HMGB2: variants seen among roughly 807,000 people sequenced by gnomAD.
HMGB2 encodes the protein high mobility group protein B2.
In HMGB2, 2 loss-of-function variants were observed where a neutral mutation model predicts 23.0. That is an observed-to-expected ratio of 0.09 (90% confidence interval 0.04 to 0.27). The LOEUF (loss-of-function observed/expected upper bound fraction) is 0.27, where lower values mean the gene tolerates loss of function less well. HMGB2 is among the 10% of genes least tolerant of loss of function. The probability of loss-of-function intolerance (pLI) is 1.00; values close to 1 mark genes in which losing one functional copy is unlikely to be tolerated. For missense variants in HMGB2, 178 were observed against 256.5 expected, an observed-to-expected ratio of 0.69 and a Z score of 2.09; for synonymous variants, 99 against 87.5, an observed-to-expected ratio of 1.13 and a Z score of -0.73.
chr4:173,332,553 TAA>T (rs199668972), intron 4 of HMGB2: 15 of 407,674 alleles, frequency 3.7e-5, no homozygotes, highest in Non-Finnish European at 4.8e-5. Flanking sequence ...ACTCTCTGCT[TAA>T]AAAAAAAAAT....
rs754067774 is a variant in HMGB2, at chr4:173,332,171, C to T, written c.539G>A (p.Gly180Asp). The change falls in exon 5 of 5, where the codon GGC becomes GAC. Residue 180 changes from glycine (G) to aspartate (D), a missense_variant. Coordinates refer to ENST00000296503, the MANE Select transcript of HMGB2 (RefSeq NM_002129.4). ...AGKKGPGRPTGSKKKNEPEDE... is the reference protein window; with the variant it reads ...AGKKGPGRPTDSKKKNEPEDE... ...TTCTGGTTCGTTCTTCTTCTTTGAG[C>T]CTGTTGGCCTGCCAGGGCCCTTCTT... The T allele has an allele frequency of 1.2e-6, 2 of 1,613,462 alleles. No individual in the cohort carries two copies. Among genetic ancestry groups the T allele is most frequent in the East Asian group, 2.2e-5 (1 of 44,854 alleles).
In HMGB2 at chr4:173,331,392, A is replaced by ATATATG. The variant is rs1194442306; in HGVS notation, c.*687_*688insCATATA. ...TATATATACATATATATATATATATATATGTATATATATATACACACACCT... is the reference window on the plus strand; with the variant it reads ...TATATATACATATATATATATATATATATATGTATGTATATATATATACACACACCT... On this transcript the variant is annotated 3_prime_UTR_variant, in exon 5 of 5. Transcript: ENST00000296503. Among the ~76,000 whole-genome samples the ATATATG allele has an allele frequency of 7.7e-5, 11 of 142,148 alleles. No individual in the cohort carries two copies. Among genetic ancestry groups the ATATATG allele is most frequent in the African/African-American group, 2.8e-4 (10 of 36,166 alleles). 93.3% of individuals were successfully genotyped at this position (142,148 alleles called of 152,430 possible). A position where few individuals can be genotyped will look rare whatever the true frequency, so the allele number is the denominator to read the frequency against.
chr4:173,332,630 G>C (rs1738132472), intron 4 of HMGB2, 191 bp downstream of exon 4: 1 of 582,780 alleles, frequency 1.7e-6, no homozygotes, highest in Non-Finnish European at 3.1e-6. Flanking sequence ...GAATATACTA[G>C]TGCTACAAAC....
chr4:173,331,513 T>C lies in HMGB2; in HGVS notation c.*567A>G, dbSNP rs1738096104. On this transcript the variant is annotated 3_prime_UTR_variant, in exon 5 of 5. Coordinates refer to ENST00000296503, the MANE Select transcript of HMGB2 (RefSeq NM_002129.4). ...CTTATAAAGTTCACTGAGTTCAACA[T>C]GTAACTTTTAAAGAACATTTTGCAA... Among the ~76,000 whole-genome samples the C allele has an allele frequency of 2.0e-5, 3 of 151,316 alleles. No individual in the cohort carries two copies. The highest frequency in any genetic ancestry group is 2.1e-4 in the South Asian group (1 of 4,812).
chr4:173,334,246 C>G (rs539257645), intron 1 of HMGB2, 26 bp downstream of exon 1: 1 of 152,380 alleles, frequency 6.6e-6, no homozygotes, highest in East Asian at 1.9e-4. Flanking sequence ...GTCCACGAAC[C>G]CGAGGGTATT....
rs1467877084 is a variant in HMGB2, at chr4:173,333,195, T to C, written c.170A>G (p.Lys57Arg). 6.2e-7 allele frequency: 1 copy of C among 1,613,948 alleles called. No individual in the cohort carries two copies. Among genetic ancestry groups the C allele is most frequent in the East Asian group, 2.2e-5 (1 of 44,880 alleles). ...TTTTGCCATATCTTCAAACTTCGAC[T>C]TCTCCTTTGCAGACATGGTCTGTGG... ...ERWKTMSAKE[K>R]SKFEDMAKSD... Residue 57 changes from lysine to arginine, a missense_variant, in exon 3 of 5, where the codon AAG (lysine) becomes AGG (arginine). This residue lies in a region of HMGB2 where 90 missense variants were observed against 114.4 expected (regional missense o/e 0.79). Coordinates refer to ENST00000296503, the MANE Select transcript of HMGB2 (RefSeq NM_002129.4). This position sits in a 1 kb window ranked among gnomAD's most constrained non-coding sequence, Gnocchi z 4.6.
Position 173,333,706 on chromosome 4 carries a change from G to A in HMGB2, c.-20-37C>T, listed in dbSNP as rs1738168273. ...GAGGGGGGAGAGGGGAAGCCGGAGG[G>A]TCGGCGCGGAGCCCGCAGCTGCCAG... On this transcript the variant is annotated intron_variant, in intron 1 of 4. Transcript: ENST00000296503. The surrounding 1 kb of genome is among the most constrained non-coding windows in gnomAD (Gnocchi z 4.6). 2 of 1,504,982 alleles carry A rather than the reference G, an allele frequency of 1.3e-6. No individual in the cohort carries two copies. Among genetic ancestry groups the A allele is most frequent in the Non-Finnish European group, 1.8e-6 (2 of 1,115,518 alleles). The allele number at this position is 1,504,982 out of a possible 1,614,324, so 93.2% of individuals were successfully genotyped here. A position where few individuals can be genotyped will look rare whatever the true frequency, so the allele number is the denominator to read the frequency against.
Position 173,333,159 on chromosome 4 carries a change from G to A in HMGB2, c.206C>T (p.Ala69Val). 6.2e-7 allele frequency: 1 copy of A among 1,614,068 alleles called. No homozygotes were observed. The highest frequency in any genetic ancestry group is 8.5e-7 in the Non-Finnish European group (1 of 1,179,978). The change falls in exon 3 of 5, where the codon GCT (alanine) becomes GTT (valine). Residue 69 changes from alanine (A) to valine (V), a missense_variant. By Grantham distance (64) the Ala-to-Val change is moderately conservative (BLOSUM62 0). Around this residue, in one of 3 missense-constraint regions of HMGB2, gnomAD observed 90 missense variants for 114.4 expected, o/e 0.79. Transcript: ENST00000296503. The surrounding 1 kb of genome is among the most constrained non-coding windows in gnomAD (Gnocchi z 4.6). ...ATTTTTCATCTCCCTGTCATAGCGA[G>A]CTTTGTCACTTTTTGCCATATCTTC... ...KFEDMAKSDK[A>V]RYDREMKNYV...
Position 173,333,650 on chromosome 4 carries a change from G to A in HMGB2, c.-1C>T. On this transcript the variant is annotated 5_prime_UTR_variant, in exon 2 of 5. Transcript: ENST00000296503. This position sits in a 1 kb window ranked among gnomAD's most constrained non-coding sequence, Gnocchi z 4.6. Reference sequence around the variant, plus strand: ...GCTTGTTGGGGTCTCCTTTACCCATGTTGACAGATCCGCGTCCACCTGACG... The same window carrying A: ...GCTTGTTGGGGTCTCCTTTACCCATATTGACAGATCCGCGTCCACCTGACG... 1 of 1,609,310 alleles carries A rather than the reference G, an allele frequency of 6.2e-7. No homozygotes were observed. Among genetic ancestry groups the A allele is most frequent in the African/African-American group, 1.3e-5 (1 of 74,780 alleles).
chr4:173,331,490 T>TA lies in HMGB2; in HGVS notation c.*589dup, dbSNP rs1433686221. 6.6e-6 allele frequency among the ~76,000 whole-genome samples: 1 copy of TA among 150,758 alleles called. No individual in the cohort carries two copies. The highest frequency in any genetic ancestry group is 6.6e-5 in the Admixed American group (1 of 15,122). On this transcript the variant is annotated 3_prime_UTR_variant, in exon 5 of 5. Coordinates refer to ENST00000296503, the MANE Select transcript of HMGB2 (RefSeq NM_002129.4). ...CGTTCTGTAAAACTGCATAAATTCT[T>TA]ATAAAGTTCACTGAGTTCAACATGT...
rs1464044478 is a variant in HMGB2, at chr4:173,333,708, C to G, written c.-20-39G>C. 2.0e-6 allele frequency: 3 copies of G among 1,489,702 alleles called. No individual in the cohort carries two copies. The highest frequency in any genetic ancestry group is 2.7e-6 in the Non-Finnish European group (3 of 1,105,516). The allele number at this position is 1,489,702 out of a possible 1,614,324, so 92.3% of individuals were successfully genotyped here. A position where few individuals can be genotyped will look rare whatever the true frequency, so the allele number is the denominator to read the frequency against. ...GGGGGGAGAGGGGAAGCCGGAGGGT[C>G]GGCGCGGAGCCCGCAGCTGCCAGGG... is the stretch of plus-strand genomic sequence containing the variant. On this transcript the variant is annotated intron_variant, in intron 1 of 4. Transcript: ENST00000296503. This position sits in a 1 kb window ranked among gnomAD's most constrained non-coding sequence, Gnocchi z 4.6.
At position 173,332,066 on chromosome 4, in the gene HMGB2, T is replaced by A; in HGVS notation, c.*14A>T. 6.2e-7 allele frequency: 1 copy of A among 1,613,850 alleles called. No individual in the cohort carries two copies. ...CACACACACATTCCACACGCATCAT[T>A]AAAGGATAGCCATTTATTCTTCATC... is the stretch of plus-strand genomic sequence containing the variant. On this transcript the variant is annotated 3_prime_UTR_variant, in exon 5 of 5. Transcript: ENST00000296503.
rs1161439917 is a variant in HMGB2, at chr4:173,331,947, T to C, written c.*133A>G. The C allele has an allele frequency of 7.8e-7, 1 of 1,280,602 alleles. No homozygotes were observed. Among genetic ancestry groups the C allele is most frequent in the Non-Finnish European group, 1.1e-6 (1 of 935,694 alleles). 79.3% of individuals were successfully genotyped at this position (1,280,602 alleles called of 1,614,324 possible). A position where few individuals can be genotyped will look rare whatever the true frequency, so the allele number is the denominator to read the frequency against. ...AAAGTATTTTCTCTACAGAGAATCT[T>C]ATCAGCTATACAAAAATCTGTACAG... is the stretch of plus-strand genomic sequence containing the variant. On this transcript the variant is annotated 3_prime_UTR_variant, in exon 5 of 5. Transcript: ENST00000296503.
intron 4 of HMGB2, 170 bp downstream of exon 4, chr4:173,332,651 G>T (rs1325138817): frequency 6.3e-6 from 4 of 635,066 alleles, no homozygotes; most frequent in Admixed American, 2.8e-5. Flanking sequence ...ACTGGTTTCA[G>T]TCAAAAGGAA....
intron 1 of HMGB2, 39 bp downstream of exon 1, chr4:173,334,233 C>G (rs994131779): frequency 6.6e-6 from 1 of 152,350 alleles, no homozygotes; most frequent in South Asian, 2.1e-4. Context: ...TGGGGAAAGG[C>G]AGGTCCACGA....
rs1560810258 is a variant in HMGB2, at chr4:173,333,486, C to T, written c.150+14G>A. On this transcript the variant is annotated intron_variant, in intron 2 of 4. Coordinates refer to ENST00000296503, the MANE Select transcript of HMGB2 (RefSeq NM_002129.4). The surrounding 1 kb of genome is among the most constrained non-coding windows in gnomAD (Gnocchi z 4.6). ...CACCTGCACCCCCTGAGCTCCGTCC[C>T]TCTCCTGCCTCACCTTCCATCTCTC... is the stretch of plus-strand genomic sequence containing the variant. 6.2e-6 allele frequency: 10 copies of T among 1,609,920 alleles called. No individual in the cohort carries two copies. Among genetic ancestry groups the T allele is most frequent in the Admixed American group, 1.7e-5 (1 of 59,770 alleles).
Position 173,332,807 on chromosome 4 carries a change from A to C in HMGB2, c.471+14T>G. The C allele has an allele frequency of 6.2e-7, 1 of 1,604,138 alleles. No individual in the cohort carries two copies. The highest frequency in any genetic ancestry group is 8.5e-7 in the Non-Finnish European group (1 of 1,176,812). ...CTAGTCTTATCCACGGCTTTAAAAA[A>C]GATGACACTGTACCTTTTCATATTT... On this transcript the variant is annotated intron_variant, in intron 4 of 4. Coordinates refer to ENST00000296503, the MANE Select transcript of HMGB2 (RefSeq NM_002129.4).
intron 4 of HMGB2, 105 bp downstream of exon 4, chr4:173,332,716 A>C (rs1738137002): frequency 2.9e-6 from 3 of 1,032,178 alleles, no homozygotes; most frequent in Non-Finnish European, 4.3e-6. Context: ...TTTTCAAAAC[A>C]TAGCTGACAA....
Position 173,331,380 on chromosome 4 carries a change from A to G in HMGB2, c.*700T>C, listed in dbSNP as rs1005143584. 7.3e-6 allele frequency among the ~76,000 whole-genome samples: 1 copy of G among 137,288 alleles called. No individual in the cohort carries two copies. Among genetic ancestry groups the G allele is most frequent in the African/African-American group, 3.1e-5 (1 of 32,076 alleles). 90.1% of individuals were successfully genotyped at this position (137,288 alleles called of 152,430 possible). The stretch of plus-strand genomic sequence containing the variant: ...TATATATGTGTATATATATACATAT[A>G]TATATATATATATATGTATATATAT... On this transcript the variant is annotated 3_prime_UTR_variant, in exon 5 of 5. Coordinates refer to ENST00000296503, the MANE Select transcript of HMGB2 (RefSeq NM_002129.4).
Sources: gnomAD v4.1 joint callset for allele counts (sites outside exome capture counted in the v4.1 genomes callset) on GRCh38, gnomAD v4.1.1 for gene constraint, gnomAD v4.1.1 regional missense constraint, Gnocchi (gnomAD v3.1) non-coding constraint, MANE v1.5 for transcripts, NCBI Gene and HGNC (gene_info 2026-07-23, HGNC 2026-07-21) for gene names.